The following MCUB variants were observed in gnomAD, a reference collection of about 807,000 sequenced individuals.
MCUB encodes the protein calcium uniporter regulatory subunit MCUb, mitochondrial.
A neutral mutation model predicts 41.4 loss-of-function variants in MCUB; 46 were observed. The ratio of observed to expected loss-of-function variants is 1.11; its 90% CI spans 0.88 to 1.42. The LOEUF (loss-of-function observed/expected upper bound fraction) is 1.42, where lower values mean the gene tolerates loss of function less well. MCUB is among the 40% of genes most tolerant of loss of function. The pLI, the probability that MCUB is intolerant of heterozygous loss-of-function variation, is 0.00. For missense variants in MCUB, 403 were observed against 404.9 expected, an observed-to-expected ratio of 1.00 and a Z score of 0.04; for synonymous variants, 148 against 148.2, an observed-to-expected ratio of 1.00 and a Z score of 0.01.
intron 1 of MCUB, among the ~76,000 whole-genome samples, chr4:109,582,544 A>G (rs1426069941): frequency 8.0e-6 from 1 of 124,666 alleles, no homozygotes; most frequent in Non-Finnish European, 1.6e-5. Flanking sequence ...AATTTAAAAA[A>G]AAAATCACAG....
intron 4 of MCUB, among the ~76,000 whole-genome samples, chr4:109,676,975 C>A (rs1285563212): frequency 1.3e-5 from 2 of 152,224 alleles, no homozygotes; most frequent in Non-Finnish European, 2.9e-5. Context: ...TGTGCAGCAG[C>A]ATCCTGGGAG....
intron 1 of MCUB, among the ~76,000 whole-genome samples, chr4:109,653,015 C>T (rs1728994647): frequency 6.6e-6 from 1 of 152,088 alleles, no homozygotes; most frequent in Non-Finnish European, 1.5e-5. Context: ...CATAAGCTTT[C>T]ATTTCTCTAG....
At chr4:109,582,026 T>C (rs1561215971) in intron 1 of MCUB, among the ~76,000 whole-genome samples, 1 of 152,188 alleles carries the variant, frequency 6.6e-6, no homozygotes, top group African/African-American at 2.4e-5. Context: ...ATCCCATTGC[T>C]GGGTATATAC....
chr4:109,657,710 C>T (rs1729136574), intron 1 of MCUB, among the ~76,000 whole-genome samples: 2 of 152,322 alleles, frequency 1.3e-5, no homozygotes, highest in South Asian at 4.1e-4. Context: ...TATCTTTGTT[C>T]ACACAGTGCA....
intron 1 of MCUB, among the ~76,000 whole-genome samples, chr4:109,646,349 C>G (rs1287470239): frequency 6.6e-6 from 1 of 152,174 alleles, no homozygotes; most frequent in Non-Finnish European, 1.5e-5. Context: ...TCCGCACTTG[C>G]TGAAGTCACA....
At chr4:109,596,664 C>T (rs1037139561) in intron 1 of MCUB, among the ~76,000 whole-genome samples, 4 of 151,842 alleles carry the variant, frequency 2.6e-5, no homozygotes, top group African/African-American at 4.8e-5. Context: ...TCCCTTGACT[C>T]GGTGCCTCAC....
At chr4:109,675,124 C>G (rs6824542) in intron 4 of MCUB, among the ~76,000 whole-genome samples, 1 of 152,108 alleles carries the variant, frequency 6.6e-6, no homozygotes, top group Non-Finnish European at 1.5e-5. Context: ...AAGAATAATT[C>G]TCTCTCATTT....
At chr4:109,646,342 G>A (rs1020728535) in intron 1 of MCUB, among the ~76,000 whole-genome samples, 2 of 152,012 alleles carry the variant, frequency 1.3e-5, no homozygotes, top group African/African-American at 2.4e-5. Context: ...CACCATCTCC[G>A]CACTTGCTGA....
intron 1 of MCUB, among the ~76,000 whole-genome samples, chr4:109,646,862 A>G (rs1420092108): frequency 2.6e-5 from 4 of 152,102 alleles, no homozygotes; most frequent in Admixed American, 2.0e-4. Context: ...CTTCTTACCA[A>G]CTATGAAGCA....
chr4:109,615,435 T>G (rs1419936745), intron 1 of MCUB, among the ~76,000 whole-genome samples: 3 of 150,690 alleles, frequency 2.0e-5, no homozygotes, highest in Admixed American at 6.6e-5. Flanking sequence ...AGACGGAGTC[T>G]CGCTCTAGCT....
intron 1 of MCUB, among the ~76,000 whole-genome samples, chr4:109,590,782 T>G (rs560620700): frequency 6.6e-6 from 1 of 152,320 alleles, no homozygotes; most frequent in East Asian, 1.9e-4. Context: ...TTTCTCTCTA[T>G]AAAGTGTTAT....
At chr4:109,581,272 G>A (rs1273376075) in intron 1 of MCUB, among the ~76,000 whole-genome samples, 1 of 152,172 alleles carries the variant, frequency 6.6e-6, no homozygotes, top group East Asian at 1.9e-4. Flanking sequence ...ACAAAAACAA[G>A]CAATGGGGAA....
intron 1 of MCUB, among the ~76,000 whole-genome samples, chr4:109,579,211 C>A (rs905037822): frequency 2.0e-5 from 3 of 151,952 alleles, no homozygotes; most frequent in African/African-American, 4.8e-5. Flanking sequence ...ATTTCTTTTT[C>A]CTCCATAGCA....
intron 1 of MCUB, among the ~76,000 whole-genome samples, chr4:109,649,759 A>G (rs1172687537): frequency 1.3e-5 from 2 of 152,142 alleles, no homozygotes; most frequent in African/African-American, 4.8e-5. Context: ...TTTAAAATAG[A>G]AATATGGTTT....
intron 1 of MCUB, among the ~76,000 whole-genome samples, chr4:109,603,168 A>G (rs1727782668): frequency 6.6e-6 from 1 of 152,156 alleles, no homozygotes; most frequent in Admixed American, 6.5e-5. Flanking sequence ...CTGTACTGAC[A>G]CGATCTCGGC....
At chr4:109,596,971 A>G (rs1727571326) in intron 1 of MCUB, among the ~76,000 whole-genome samples, 1 of 151,954 alleles carries the variant, frequency 6.6e-6, no homozygotes, top group Admixed American at 6.6e-5. Flanking sequence ...CTGTTTAACA[A>G]AGCACATCTT....
rs575156422 is a variant in MCUB at position 109,643,955 on chromosome 4, C to T, written c.100-15056C>T. Among the ~76,000 whole-genome samples, 64 of 152,008 alleles carry T rather than the reference C, an allele frequency of 4.2e-4. 1 individual carries two copies. In the South Asian group the frequency reaches 0.012, roughly 29 times the overall value. ...CATTTTAAACAAATTTGTGTTAAAA[C>T]GAGTAAAAAAATGTTAAACAAGATT... On this transcript the variant is annotated intron_variant, in intron 1 of 7. Coordinates refer to ENST00000394650, the MANE Select transcript of MCUB (RefSeq NM_017918.5).
At position 109,682,579 on chromosome 4, in the gene MCUB, C is replaced by T. The variant is rs762059633; in HGVS notation, c.452-3C>T. 13 of 1,597,916 alleles carry T rather than the reference C, an allele frequency of 8.1e-6. No individual in the cohort carries two copies. Among genetic ancestry groups the T allele is most frequent in the South Asian group, 1.1e-5 (1 of 87,886 alleles). Reference sequence around the variant, plus strand: ...GGCTTGTTTCCCTTGTGTCTTTTCTCAGAAAAACCAAGTAATGAGCACACT... The same window carrying T: ...GGCTTGTTTCCCTTGTGTCTTTTCTTAGAAAAACCAAGTAATGAGCACACT... On this transcript the variant is annotated splice_region_variant and splice_polypyrimidine_tract_variant and intron_variant, in intron 4 of 7. Transcript: ENST00000394650.
chr4:109,579,891 T>G (rs1383401280), intron 1 of MCUB, among the ~76,000 whole-genome samples: 1 of 152,158 alleles, frequency 6.6e-6, no homozygotes, highest in Non-Finnish European at 1.5e-5. Flanking sequence ...TTTTTATTAT[T>G]TTTTTATTAT....
Sources: gnomAD v4.1 joint callset for allele counts (sites outside exome capture counted in the v4.1 genomes callset) on GRCh38, gnomAD v4.1.1 for gene constraint, MANE v1.5 for transcripts, NCBI Gene and HGNC (gene_info 2026-07-23, HGNC 2026-07-21) for gene names.